Variants in INPP4A observed in about 807,000 individuals in gnomAD.
INPP4A encodes the protein inositol polyphosphate-4-phosphatase type I A, also known as inositol polyphosphate-4-phosphatase, type I, 107kD.
In INPP4A, 33 loss-of-function variants were observed where a neutral mutation model predicts 119.8. The ratio of observed to expected loss-of-function variants is 0.28; its 90% CI spans 0.21 to 0.37. INPP4A has a LOEUF of 0.37. Among genes scored for constraint, INPP4A ranks in the 10% least tolerant of loss-of-function variants. The pLI is 1.00. For missense variants in INPP4A, 956 were observed against 1,289.9 expected, an observed-to-expected ratio of 0.74 and a Z score of 3.97; for synonymous variants, 496 against 500.7, an observed-to-expected ratio of 0.99 and a Z score of 0.12.
Position 98,577,006 on chromosome 2 carries a change from T to C in INPP4A, c.2649T>C (p.Asn883=). The C allele has an allele frequency of 1.2e-6, 2 of 1,613,072 alleles. No homozygotes were observed. The highest frequency in any genetic ancestry group is 2.2e-5 in the South Asian group (2 of 91,056). Residue 883 remains asparagine, a synonymous_variant, in exon 24 of 25, where the codon AAT becomes AAC. Transcript: ENST00000409851. The part of the protein sequence containing the change: ...WQAAEICRRL[N]GVRFTSCKSA... ...GTTGGCAGATCTGCCGCCGCCTTAA[T>C]GGGGTCCGGTTCACCAGCTGCAAGA...
intron 1 of INPP4A, among the ~76,000 whole-genome samples, chr2:98,458,991 G>A (rs1696648741): frequency 6.6e-6 from 1 of 152,226 alleles, no homozygotes; most frequent in South Asian, 2.1e-4. Context: ...AAAGGCACCC[G>A]AAGTGCTTGA....
rs1305500715 is a variant in INPP4A, at chr2:98,544,069, ACTCT to A, written c.949+64_949+67del. 6.4e-6 allele frequency: 9 copies of A among 1,416,880 alleles called. No homozygotes were observed. The East Asian group carries it at 2.3e-4, about 36-fold the overall frequency. 87.8% of individuals were successfully genotyped at this position (1,416,880 alleles called of 1,614,324 possible). A position where few individuals can be genotyped will look rare whatever the true frequency, so the allele number is the denominator to read the frequency against. ...CGCACACACACACACACACACTCTC[ACTCT>A]CACTCAGTCACTCCCTCTGCTTTCC... On this transcript the variant is annotated intron_variant, in intron 11 of 24. Coordinates refer to ENST00000409851, the MANE Select transcript of INPP4A (RefSeq NM_001134225.2).
chr2:98,506,324 G>T (rs1024247075), intron 1 of INPP4A, among the ~76,000 whole-genome samples: 3 of 152,210 alleles, frequency 2.0e-5, no homozygotes, highest in Admixed American at 1.3e-4. Flanking sequence ...CTGCCTTTAG[G>T]TCCTACTTCT....
chr2:98,563,015 A>G (rs946018609), intron 17 of INPP4A, among the ~76,000 whole-genome samples: 1 of 152,176 alleles, frequency 6.6e-6, no homozygotes, highest in African/African-American at 2.4e-5. Flanking sequence ...ACTTGACTTT[A>G]TACCCAGGTC....
At chr2:98,485,407 T>G (rs567804653) in intron 1 of INPP4A, among the ~76,000 whole-genome samples, 1 of 152,250 alleles carries the variant, frequency 6.6e-6, no homozygotes, top group East Asian at 1.9e-4. Context: ...AAGGTATCTG[T>G]GGGGGGTGGG....
chr2:98,505,092 G>C lies in INPP4A; in HGVS notation c.-165-13872G>C, dbSNP rs75803184. Among the ~76,000 whole-genome samples, 101 of 152,346 alleles carry C rather than the reference G, an allele frequency of 6.6e-4. 2 individuals are homozygous for C. The East Asian group carries it at 0.01, about 15-fold the overall frequency. On this transcript the variant is annotated intron_variant, in intron 1 of 24. Transcript: ENST00000409851. ...TTTTGAAAGTTGCCTGAATATTAAA[G>C]TACTATACTAATAACTTGCTTTCTA...
chr2:98,568,638 G>A lies in INPP4A; in HGVS notation c.2488G>A (p.Glu830Lys), dbSNP rs1268252975. 3 of 1,601,904 alleles carry A rather than the reference G, an allele frequency of 1.9e-6. No homozygotes were observed. In the South Asian group the frequency reaches 3.4e-5, roughly 18 times the overall value. ...TTTGGTGCGGTTAAATTCCTACTTTGAGCAGTTTAAGGAAGTTTTGCCTGA... is the reference window on the plus strand; with the variant it reads ...TTTGGTGCGGTTAAATTCCTACTTTAAGCAGTTTAAGGAAGTTTTGCCTGA... ...ESLVRLNSYF[E>K]QFKEVLPEDC... The change falls in exon 22 of 25, where the codon GAG (glutamate) becomes AAG (lysine). Residue 830 changes from glutamate (E) to lysine (K), a missense_variant. Physicochemically the swap from Glu to Lys is moderately conservative, Grantham distance 56. Around this residue, in one of 2 missense-constraint regions of INPP4A, gnomAD observed 304 missense variants for 492.1 expected, o/e 0.62. Coordinates refer to ENST00000409851, the MANE Select transcript of INPP4A (RefSeq NM_001134225.2).
intron 1 of INPP4A, among the ~76,000 whole-genome samples, chr2:98,463,470 C>T (rs916652836): frequency 2.0e-5 from 3 of 152,348 alleles, no homozygotes; most frequent in Middle Eastern, 3.4e-3. Flanking sequence ...CTGGGCAGCA[C>T]GTTGCACGTA....
At chr2:98,552,562 G>A (rs929917611) in intron 13 of INPP4A, 3 of 675,786 alleles carry the variant, frequency 4.4e-6, no homozygotes, top group African/African-American at 3.5e-5. Flanking sequence ...TGCAAATACA[G>A]ATAAAAGACT....
chr2:98,465,389 A>G (rs1304576443), intron 1 of INPP4A, among the ~76,000 whole-genome samples: 1 of 152,218 alleles, frequency 6.6e-6, no homozygotes, highest in Non-Finnish European at 1.5e-5. Flanking sequence ...TCATATAAGG[A>G]CATTTGTGAT....
At chr2:98,556,696 A>G (rs540645240) in intron 16 of INPP4A, among the ~76,000 whole-genome samples, 1 of 152,324 alleles carries the variant, frequency 6.6e-6, no homozygotes, top group East Asian at 1.9e-4. Context: ...TAAATTCTGA[A>G]TTGGAGAACT....
intron 1 of INPP4A, among the ~76,000 whole-genome samples, chr2:98,490,942 G>C (rs1680601682): frequency 6.6e-6 from 1 of 151,876 alleles, no homozygotes; most frequent in African/African-American, 2.4e-5. Flanking sequence ...CCTTTCCAAA[G>C]AAAATAAACA....
At chr2:98,457,934 A>G (rs1696411515) in intron 1 of INPP4A, among the ~76,000 whole-genome samples, 1 of 152,008 alleles carries the variant, frequency 6.6e-6, no homozygotes, top group Non-Finnish European at 1.5e-5. Flanking sequence ...CCAATTAGCA[A>G]GGACTACAGG....
chr2:98,520,230 G>T, intron 3 of INPP4A, 76 bp downstream of exon 3: 1 of 1,118,078 alleles, frequency 8.9e-7, no homozygotes, highest in Non-Finnish European at 1.3e-6. Context: ...AGCAGTGCTG[G>T]CAGGTACCCA....
At chr2:98,454,587 G>GT (rs1158673504) in intron 1 of INPP4A, among the ~76,000 whole-genome samples, 1 of 152,140 alleles carries the variant, frequency 6.6e-6, no homozygotes, top group African/African-American at 2.4e-5. Context: ...CCACTTGACA[G>GT]TCTTGGTAAC....
intron 1 of INPP4A, among the ~76,000 whole-genome samples, chr2:98,507,192 G>C (rs1186567201): frequency 6.6e-6 from 1 of 152,220 alleles, no homozygotes; most frequent in African/African-American, 2.4e-5. Context: ...AAGGTTATGC[G>C]TGACTGATCC....
chr2:98,503,225 C>T (rs1305568055), intron 1 of INPP4A, among the ~76,000 whole-genome samples: 1 of 152,180 alleles, frequency 6.6e-6, no homozygotes, highest in Admixed American at 6.5e-5. Context: ...TCTTCAAAAG[C>T]CCAGTAGGAG....
chr2:98,568,937 T>G, intron 22 of INPP4A: 1 of 375,344 alleles, frequency 2.7e-6, no homozygotes, highest in Non-Finnish European at 5.0e-6. Flanking sequence ...CAAGATGTGT[T>G]TGGTGGCATG....
At chr2:98,456,334 T>A (rs570982888) in intron 1 of INPP4A, among the ~76,000 whole-genome samples, 74 of 152,268 alleles carry the variant, frequency 4.9e-4, no homozygotes, top group African/African-American at 1.7e-3. Flanking sequence ...CTTTTACATT[T>A]TTTATTTATT....
Sources: gnomAD v4.1 joint callset for allele counts (sites outside exome capture counted in the v4.1 genomes callset) on GRCh38, gnomAD v4.1.1 for gene constraint, gnomAD v4.1.1 regional missense constraint, MANE v1.5 for transcripts, NCBI Gene and HGNC (gene_info 2026-07-23, HGNC 2026-07-21) for gene names.